Variants in NRG1 observed in about 807,000 individuals in gnomAD.
NRG1 encodes the protein neuregulin 1, also known as pro-neuregulin-1, membrane-bound isoform.
Under a neutral mutation model 63.8 loss-of-function variants are expected in NRG1, and 18 were observed. The ratio of observed to expected loss-of-function variants is 0.28; its 90% CI spans 0.19 to 0.42. The LOEUF (loss-of-function observed/expected upper bound fraction) is 0.42, where lower values mean the gene tolerates loss of function less well. Among genes scored for constraint, NRG1 ranks in the 10% least tolerant of loss-of-function variants. The pLI, the probability that NRG1 is intolerant of heterozygous loss-of-function variation, is 1.00. For missense variants in NRG1, 762 were observed against 814.7 expected (o/e 0.94, Z 0.79); for synonymous variants, 302 against 301.3 (o/e 1.00, Z -0.02).
At chr8:31,675,673 C>T (rs1445548801) in intron 1 of NRG1, among the ~76,000 whole-genome samples, 1 of 152,094 alleles carries the variant, frequency 6.6e-6, no homozygotes, top group Non-Finnish European at 1.5e-5. Flanking sequence ...AAAGACAGTG[C>T]ATATCTGGTA....
intron 1 of NRG1, among the ~76,000 whole-genome samples, chr8:32,489,358 G>T (rs549680478): frequency 1.3e-5 from 2 of 152,092 alleles, no homozygotes; most frequent in Non-Finnish European, 2.9e-5. Flanking sequence ...GGACCTTATC[G>T]GGAAGCTGAT....
At chr8:32,592,566 A>C (rs1430395966) in intron 1 of NRG1, among the ~76,000 whole-genome samples, 2 of 152,204 alleles carry the variant, frequency 1.3e-5, no homozygotes, top group Non-Finnish European at 2.9e-5. Context: ...CCCCTAATAC[A>C]GAAATAAATA....
intron 1 of NRG1, among the ~76,000 whole-genome samples, chr8:31,746,072 A>G (rs1815825730): frequency 6.6e-6 from 1 of 151,878 alleles, no homozygotes; most frequent in South Asian, 2.1e-4. Flanking sequence ...TTGAATCTTA[A>G]AGACTTTTTT....
chr8:31,902,281 T>A (rs1832148231), intron 1 of NRG1, among the ~76,000 whole-genome samples: 1 of 152,042 alleles, frequency 6.6e-6, no homozygotes, highest in African/African-American at 2.4e-5. Flanking sequence ...CAGTAGAAAA[T>A]GGGACTTAAA....
At chr8:31,795,212 A>G (rs1269548678) in intron 1 of NRG1, among the ~76,000 whole-genome samples, 1 of 152,152 alleles carries the variant, frequency 6.6e-6, no homozygotes, top group African/African-American at 2.4e-5. Flanking sequence ...GAGCTGTCAC[A>G]CAGTAAAAGA....
At chr8:32,514,708 G>A (rs1415390192) in intron 1 of NRG1, among the ~76,000 whole-genome samples, 1 of 152,116 alleles carries the variant, frequency 6.6e-6, no homozygotes, top group Non-Finnish European at 1.5e-5. Context: ...GTGGATTACT[G>A]CTGAAGCTTT....
intron 1 of NRG1, among the ~76,000 whole-genome samples, chr8:31,712,780 T>A (rs1399164961): frequency 6.6e-6 from 1 of 152,186 alleles, no homozygotes; most frequent in Admixed American, 6.5e-5. Context: ...TGGGTCTTCA[T>A]GCCTTAGGTA....
At chr8:31,704,525 G>T (rs1810931961) in intron 1 of NRG1, among the ~76,000 whole-genome samples, 6 of 151,986 alleles carry the variant, frequency 3.9e-5, no homozygotes, top group Admixed American at 2.6e-4. Flanking sequence ...ATTTTTTGGG[G>T]GGTTAGAAAA....
intron 1 of NRG1, among the ~76,000 whole-genome samples, chr8:32,260,445 A>G (rs563376629): frequency 6.6e-6 from 1 of 152,250 alleles, no homozygotes; most frequent in South Asian, 2.1e-4. Context: ...GTCAGTCCAT[A>G]GAACAAAATA....
intron 1 of NRG1, among the ~76,000 whole-genome samples, chr8:31,802,121 TG>T (rs908176728): frequency 6.6e-6 from 1 of 152,230 alleles, no homozygotes; most frequent in Non-Finnish European, 1.5e-5. Context: ...CACAGGGCAT[TG>T]GGTCCTCCAT....
intron 1 of NRG1, among the ~76,000 whole-genome samples, chr8:32,390,986 T>TTTAA (rs1331018820): frequency 5.3e-5 from 8 of 152,190 alleles, no homozygotes; most frequent in African/African-American, 1.9e-4. Context: ...TAAGTGAAAT[T>TTTAA]GTGATGTCTG....
intron 1 of NRG1, among the ~76,000 whole-genome samples, chr8:31,678,402 A>G (rs975810603): frequency 6.6e-6 from 1 of 152,120 alleles, no homozygotes; most frequent in Admixed American, 6.6e-5. Context: ...ACTTATTAAC[A>G]ATCTGTGAAC....
chr8:32,013,815 A>G (rs1487199159), intron 1 of NRG1, among the ~76,000 whole-genome samples: 2 of 152,164 alleles, frequency 1.3e-5, no homozygotes, highest in African/African-American at 4.8e-5. Context: ...GACATGATAG[A>G]CTAATCCTAA....
intron 1 of NRG1, among the ~76,000 whole-genome samples, chr8:32,410,736 C>T (rs1814802439): frequency 6.6e-6 from 1 of 152,082 alleles, no homozygotes; most frequent in African/African-American, 2.4e-5. Context: ...TACTGAAAGT[C>T]CCCAGAGTCT....
intron 1 of NRG1, among the ~76,000 whole-genome samples, chr8:32,390,687 GCTCCCA>G (rs1364143172): frequency 6.6e-6 from 1 of 151,030 alleles, no homozygotes; most frequent in African/African-American, 2.4e-5. Flanking sequence ...CCTCTTATCT[GCTCCCA>G]CAATGCCCAC....
intron 1 of NRG1, among the ~76,000 whole-genome samples, chr8:32,358,815 A>T (rs913654643): frequency 1.3e-5 from 2 of 152,150 alleles, no homozygotes; most frequent in African/African-American, 4.8e-5. Context: ...CCAAAGACAG[A>T]ACCTTGAGAT....
chr8:32,760,019 A>T (rs1426534117), intron 10 of NRG1, among the ~76,000 whole-genome samples, 181 bp from the exon 11 acceptor site: 5 of 152,212 alleles, frequency 3.3e-5, no homozygotes, highest in Admixed American at 3.3e-4. Context: ...ATCTGAATCA[A>T]GATCCTCTCT....
intron 1 of NRG1, among the ~76,000 whole-genome samples, chr8:32,365,810 G>T (rs1261820865): frequency 1.3e-5 from 2 of 152,102 alleles, no homozygotes; most frequent in African/African-American, 4.8e-5. Flanking sequence ...CTCACCCTTG[G>T]TGCAGAAGAT....
intron 1 of NRG1, among the ~76,000 whole-genome samples, chr8:32,394,645 C>T (rs1304168900): frequency 6.6e-6 from 1 of 152,178 alleles, no homozygotes; most frequent in African/African-American, 2.4e-5. Context: ...TCCCTTACCT[C>T]GTGGTTGTTT....
Sources: gnomAD v4.1 joint callset for allele counts (sites outside exome capture counted in the v4.1 genomes callset) on GRCh38, gnomAD v4.1.1 for gene constraint, MANE v1.5 for transcripts, NCBI Gene and HGNC (gene_info 2026-07-23, HGNC 2026-07-21) for gene names.